The following RPTOR variants were observed in gnomAD, a reference collection of about 807,000 sequenced individuals.
RPTOR encodes the protein regulatory-associated protein of mTOR.
In RPTOR, 21 loss-of-function variants were observed where a neutral mutation model predicts 169.9. That is an observed-to-expected ratio of 0.12 (90% CI 0.09 to 0.18). RPTOR has a LOEUF of 0.18. RPTOR is among the 10% of genes least tolerant of loss of function. RPTOR has a pLI of 1.00. For missense variants in RPTOR, 1,133 were observed against 1,855.9 expected (o/e 0.61, Z 7.16); for synonymous variants, 732 against 753.2 (o/e 0.97, Z 0.46).
At chr17:80,740,541 A>C in intron 5 of RPTOR, among the ~76,000 whole-genome samples, 1 of 152,226 alleles carries the variant, frequency 6.6e-6, no homozygotes, top group East Asian at 1.9e-4. Flanking sequence ...ATAGCAAATC[A>C]GTTCTAGCAA....
chr17:80,768,542 G>A (rs764172954), intron 6 of RPTOR, among the ~76,000 whole-genome samples: 2 of 152,150 alleles, frequency 1.3e-5, no homozygotes, highest in African/African-American at 4.8e-5. Flanking sequence ...AATACTGCAC[G>A]GGAAAGAGTG....
intron 13 of RPTOR, among the ~76,000 whole-genome samples, chr17:80,874,949 C>T (rs1268723831): frequency 1.3e-5 from 2 of 152,226 alleles, no homozygotes; most frequent in Non-Finnish European, 2.9e-5. Context: ...GTGATTGTCT[C>T]TGTGTTCACG....
rs2143745368 is a variant in RPTOR, at chr17:80,855,563, A to G, written c.1398+16A>G. ...AGTGAGCCTGGTGCGTGCCTTCCGC[A>G]TTAACCTGGGGGCTGAGGGAGGTGG... On this transcript the variant is annotated intron_variant, in intron 12 of 33. Transcript: ENST00000306801. 6.3e-7 allele frequency: 1 copy of G among 1,591,140 alleles called. No homozygotes were observed. The highest frequency in any genetic ancestry group is 8.6e-7 in the Non-Finnish European group (1 of 1,159,086).
Position 80,726,444 on chromosome 17 carries a change from G to A in RPTOR, c.508-4116G>A, listed in dbSNP as rs1259050754. 2.0e-5 allele frequency among the ~76,000 whole-genome samples: 3 copies of A among 151,352 alleles called. No individual in the cohort carries two copies. In the South Asian group the frequency reaches 6.3e-4, roughly 32 times the overall value. On this transcript the variant is annotated intron_variant, in intron 4 of 33. Coordinates refer to ENST00000306801, the MANE Select transcript of RPTOR (RefSeq NM_020761.3). This position sits in a 1 kb window ranked among gnomAD's most constrained non-coding sequence, Gnocchi z 4.5. ...TGCAGCAGTACCTCATGGTTATGAC[G>A]GATCATCTTCCTGAACTTTGCATCT... is the stretch of plus-strand genomic sequence containing the variant.
chr17:80,644,198 G>T (rs2065575188), intron 3 of RPTOR, among the ~76,000 whole-genome samples: 1 of 151,516 alleles, frequency 6.6e-6, no homozygotes, highest in East Asian at 1.9e-4. Context: ...TTTTCACATA[G>T]TTGAGAAAAA....
At chr17:80,570,611 C>T (rs949435043) in intron 1 of RPTOR, among the ~76,000 whole-genome samples, 1 of 152,108 alleles carries the variant, frequency 6.6e-6, no homozygotes, top group Non-Finnish European at 1.5e-5. Flanking sequence ...CGGGTATCCA[C>T]CACCATGCCT....
chr17:80,791,457 A>G lies in RPTOR; in HGVS notation c.838A>G (p.Met280Val), dbSNP rs762583016. 4 of 1,613,266 alleles carry G rather than the reference A, an allele frequency of 2.5e-6. No individual in the cohort carries two copies. Among genetic ancestry groups the G allele is most frequent in the South Asian group, 1.1e-5 (1 of 90,818 alleles). ...PIKIALRWFC[M>V]QKCVSLVPGV... ...TCTTTTCTTTCTCTGCAGGTTTTGC[A>G]TGCAGAAATGTGTCAGTCTGGTGCC... Residue 280 changes from methionine (M) to valine (V), a missense_variant, in exon 7 of 34, where the codon ATG becomes GTG. Physicochemically the swap from Met to Val is conservative, Grantham distance 21. Coordinates refer to ENST00000306801, the MANE Select transcript of RPTOR (RefSeq NM_020761.3).
At chr17:80,846,669 C>T (rs1598350112) in intron 11 of RPTOR, 95 bp downstream of exon 11, 2 of 1,018,854 alleles carry the variant, frequency 2.0e-6, no homozygotes, top group African/African-American at 1.6e-5. Flanking sequence ...TCTCCCTGAG[C>T]CCTGTGGGTC....
chr17:80,840,148 C>G (rs564168470), intron 10 of RPTOR, among the ~76,000 whole-genome samples: 54 of 152,304 alleles, frequency 3.5e-4, no homozygotes, highest in African/African-American at 1.1e-3. Context: ...GCCCCCTCGG[C>G]GCCCCTCTTA....
chr17:80,779,371 T>C lies in RPTOR; in HGVS notation c.831-12079T>C, dbSNP rs544833107. Among the ~76,000 whole-genome samples, 6 of 152,304 alleles carry C rather than the reference T, an allele frequency of 3.9e-5. No individual in the cohort carries two copies. In the East Asian group the frequency reaches 1.2e-3, roughly 29 times the overall value. On this transcript the variant is annotated intron_variant, in intron 6 of 33. Transcript: ENST00000306801. ...AGGCAACTGTTTTGTCCTGTGAAAG[T>C]GTGGCGCCTCCGTGGCTTTCTGGGA...
At position 80,878,676 on chromosome 17, in the gene RPTOR, C is replaced by T. The variant is rs909681464; in HGVS notation, c.1510-1739C>T. On this transcript the variant is annotated intron_variant, in intron 13 of 33. Coordinates refer to ENST00000306801, the MANE Select transcript of RPTOR (RefSeq NM_020761.3). This position sits in a 1 kb window ranked among gnomAD's most constrained non-coding sequence, Gnocchi z 4.1. ...CAGATTTTTAAAACTTTACCTGGGT[C>T]CCTGACTAGTAAGAGGGAGAACCTG... Among the ~76,000 whole-genome samples the T allele has an allele frequency of 1.3e-5, 2 of 152,158 alleles. No individual in the cohort carries two copies. The highest frequency in any genetic ancestry group is 3.8e-4 in the East Asian group (2 of 5,198).
intron 10 of RPTOR, among the ~76,000 whole-genome samples, chr17:80,842,915 A>G (rs548283924): frequency 2.6e-5 from 4 of 152,282 alleles, no homozygotes; most frequent in East Asian, 1.9e-4. Flanking sequence ...ACCAAGGGCC[A>G]TGTTCACATG....
At chr17:80,621,582 G>T (rs1047293185) in intron 1 of RPTOR, among the ~76,000 whole-genome samples, 1 of 152,126 alleles carries the variant, frequency 6.6e-6, no homozygotes, top group Non-Finnish European at 1.5e-5. Flanking sequence ...CCACTTGCTC[G>T]CTCCCTGGAC....
intron 5 of RPTOR, among the ~76,000 whole-genome samples, chr17:80,743,803 C>CACTCT (rs2066516467): frequency 8.4e-6 from 1 of 118,398 alleles, no homozygotes; most frequent in Non-Finnish European, 1.8e-5. Context: ...ACTAGCACAG[C>CACTCT]CCTGGCTACT....
chr17:80,644,178 G>A (rs1220564603), intron 3 of RPTOR, among the ~76,000 whole-genome samples: 2 of 152,082 alleles, frequency 1.3e-5, no homozygotes, highest in South Asian at 2.1e-4. Context: ...GCTATTCCGC[G>A]TGTCTTCAGT....
At chr17:80,622,295 C>T (rs1019103453) in intron 1 of RPTOR, among the ~76,000 whole-genome samples, 1 of 152,206 alleles carries the variant, frequency 6.6e-6, no homozygotes, top group Admixed American at 6.5e-5. Flanking sequence ...AACAGCTGTT[C>T]ACCATGGCCA....
At chr17:80,593,682 T>C (rs531305706) in intron 1 of RPTOR, 33 of 152,386 alleles carry the variant, frequency 2.2e-4, no homozygotes, top group African/African-American at 7.9e-4. Context: ...GAGAATCCAG[T>C]GACTTCTATT....
intron 4 of RPTOR, chr17:80,709,153 C>G: frequency 1.7e-5 from 15 of 882,592 alleles, no homozygotes; most frequent in Non-Finnish European, 1.9e-5. Flanking sequence ...CAGGGCAGTG[C>G]CATCTCTCCC....
At chr17:80,822,898 CGT>C (rs75487249) in intron 8 of RPTOR, among the ~76,000 whole-genome samples, 179 bp from the exon 9 acceptor site, 3 of 151,840 alleles carry the variant, frequency 2.0e-5, no homozygotes, top group Admixed American at 1.3e-4. Context: ...CATTTGTGCA[CGT>C]GTGTGTATGT....
Sources: allele counts gnomAD v4.1 joint callset (sites outside exome capture counted in the v4.1 genomes callset), GRCh38; gene constraint gnomAD v4.1.1; non-coding constraint Gnocchi (gnomAD v3.1); transcripts MANE v1.5; gene names NCBI Gene and HGNC (gene_info 2026-07-23, HGNC 2026-07-21).